The following TBC1D31 variants were observed in gnomAD, a reference collection of about 807,000 sequenced individuals.
TBC1D31 encodes the protein WD repeat domain 67.
A neutral mutation model predicts 132.9 loss-of-function variants in TBC1D31; 99 were observed. That is an observed-to-expected ratio of 0.74 (90% CI 0.63 to 0.88). The LOEUF (loss-of-function observed/expected upper bound fraction) is 0.88. TBC1D31 is among the 40% of genes least tolerant of loss of function. TBC1D31 has a pLI of 0.00. For missense variants in TBC1D31, 1,134 were observed against 1,256.6 expected (o/e 0.90, Z 1.48); for synonymous variants, 385 against 419.4 (o/e 0.92, Z 1.00).
chr8:123,098,649 A>C (rs548043078), intron 6 of TBC1D31, among the ~76,000 whole-genome samples: 1 of 152,326 alleles, frequency 6.6e-6, no homozygotes, highest in African/African-American at 2.4e-5. Context: ...TCTTTTTCAC[A>C]ACTGCATAGT....
In TBC1D31 at chr8:123,142,433, A is replaced by G. The variant is rs748300338; in HGVS notation, c.2812A>G (p.Met938Val). 4.4e-6 allele frequency: 7 copies of G among 1,590,838 alleles called. No homozygotes were observed. The highest frequency in any genetic ancestry group is 1.2e-5 in the South Asian group (1 of 86,242). Residue 938 changes from methionine (M) to valine (V), a missense_variant, in exon 19 of 22, where the codon ATG (methionine) becomes GTG (valine). Coordinates refer to ENST00000287380, the MANE Select transcript of TBC1D31 (RefSeq NM_145647.4). Reference protein sequence around the residue: ...RRKEIEIINAMVEEEAKKWKE... With the variant: ...RRKEIEIINAVVEEEAKKWKE... Reference sequence around the variant, plus strand: ...GAAAGAAATAGAGATAATAAATGCAATGGTGGAGGAGGAAGCCAAGAAGGT... The same window carrying G: ...GAAAGAAATAGAGATAATAAATGCAGTGGTGGAGGAGGAAGCCAAGAAGGT...
chr8:123,092,574 C>T (rs529052056), intron 4 of TBC1D31, among the ~76,000 whole-genome samples: 74 of 152,152 alleles, frequency 4.9e-4, no homozygotes, highest in Non-Finnish European at 6.5e-4. Flanking sequence ...TACACTGCCA[C>T]GGGGAGTAAT....
At chr8:123,116,815 A>G (rs932593941) in intron 10 of TBC1D31, among the ~76,000 whole-genome samples, 2 of 152,210 alleles carry the variant, frequency 1.3e-5, no homozygotes, top group African/African-American at 4.8e-5. Context: ...ATAAATAACA[A>G]TCAATTATAA....
intron 17 of TBC1D31, 27 bp from the exon 18 acceptor site, chr8:123,140,734 A>ATT: frequency 1.3e-6 from 2 of 1,551,812 alleles, no homozygotes; most frequent in African/African-American, 2.8e-5. Context: ...TAAATTAGTG[A>ATT]TTTTTTTTTA....
chr8:123,122,434 A>C (rs960243275), intron 11 of TBC1D31, among the ~76,000 whole-genome samples: 2 of 152,238 alleles, frequency 1.3e-5, no homozygotes, highest in Non-Finnish European at 2.9e-5. Flanking sequence ...AATACACTAG[A>C]TACAAAAGGA....
intron 6 of TBC1D31, 66 bp from the exon 7 acceptor site, chr8:123,100,741 A>G (rs953206423): frequency 2.2e-5 from 27 of 1,238,096 alleles, no homozygotes; most frequent in Non-Finnish European, 2.8e-5. Context: ...AAAGACGTGT[A>G]TATAGTAGGA....
intron 16 of TBC1D31, 132 bp downstream of exon 16, chr8:123,130,465 A>G (rs1820508220): frequency 1.3e-6 from 1 of 782,166 alleles, no homozygotes; most frequent in Non-Finnish European, 1.8e-6. Context: ...AATTTTATTT[A>G]CTTTTCCCCT....
chr8:123,080,105 G>A (rs964037301), intron 2 of TBC1D31, among the ~76,000 whole-genome samples: 3 of 152,146 alleles, frequency 2.0e-5, no homozygotes, highest in East Asian at 1.9e-4. Context: ...TCTATCATGC[G>A]TGTAACACAT....
intron 7 of TBC1D31, chr8:123,102,181 T>C: frequency 2.2e-6 from 1 of 454,788 alleles, no homozygotes; most frequent in Admixed American, 2.4e-5. Flanking sequence ...CAGTCTGAAA[T>C]TGCACCTTGG....
chr8:123,130,051 G>T lies in TBC1D31; in HGVS notation c.2271-147G>T, dbSNP rs541087108. 1.5e-4 allele frequency: 111 copies of T among 743,282 alleles called. 1 individual carries two copies. The highest frequency in any genetic ancestry group is 9.3e-4 in the South Asian group (31 of 33,196). 46.0% of individuals were successfully genotyped at this position (743,282 alleles called of 1,614,324 possible). ...AAAGCATAAGTATACATCATCTTTG[G>T]TAACGGTGGAGCAGTTCTCGCATTC... On this transcript the variant is annotated intron_variant, in intron 15 of 21. Transcript: ENST00000287380.
intron 10 of TBC1D31, among the ~76,000 whole-genome samples, chr8:123,110,886 A>G (rs1038654881): frequency 1.3e-5 from 2 of 152,162 alleles, no homozygotes; most frequent in Non-Finnish European, 2.9e-5. Context: ...TTTGGTTGAT[A>G]CCCCACTGAG....
chr8:123,158,531 G>T, the TBC1D31 span, among the ~76,000 whole-genome samples: 1 of 152,194 alleles, frequency 6.6e-6, no homozygotes, highest in South Asian at 2.1e-4. Context: ...GGAGAGGTTC[G>T]TGTGGACCTA....
At chr8:123,159,818 G>C in the TBC1D31 span, among the ~76,000 whole-genome samples, 1 of 151,430 alleles carries the variant, frequency 6.6e-6, no homozygotes, top group African/African-American at 2.4e-5. Flanking sequence ...TAAGATCAAT[G>C]ATTAATACGC....
chr8:123,116,500 C>T (rs768797468), intron 10 of TBC1D31, among the ~76,000 whole-genome samples: 2 of 152,024 alleles, frequency 1.3e-5, no homozygotes, highest in African/African-American at 2.4e-5. Context: ...TGATTGGAAT[C>T]GATAGTGTTA....
intron 10 of TBC1D31, among the ~76,000 whole-genome samples, chr8:123,117,247 A>G (rs34106364): frequency 0.57 from 85,783 of 151,416 alleles, 24,521 homozygotes; most frequent in Admixed American, 0.62. Flanking sequence ...CCTGGGAGGT[A>G]GAGGCTGCAA....
chr8:123,098,209 A>G (rs1411583115), intron 6 of TBC1D31, among the ~76,000 whole-genome samples: 2 of 152,178 alleles, frequency 1.3e-5, no homozygotes, highest in Non-Finnish European at 2.9e-5. Context: ...CCATTTGTCT[A>G]GTTGTTCACC....
intron 13 of TBC1D31, among the ~76,000 whole-genome samples, chr8:123,127,679 C>T (rs1195675451): frequency 1.3e-5 from 2 of 152,094 alleles, no homozygotes; most frequent in East Asian, 3.9e-4. Flanking sequence ...ATTACACATG[C>T]AAAAGGTAAC....
At chr8:123,156,059 A>G (rs1822978801), downstream of TBC1D31, among the ~76,000 whole-genome samples, 2 of 152,176 alleles carry the variant, frequency 1.3e-5, no homozygotes, top group Non-Finnish European at 2.9e-5. Context: ...ATTGAGTAAG[A>G]GCTATTATCC....
At chr8:123,150,214 G>A in intron 21 of TBC1D31, 86 bp downstream of exon 21, 3 of 959,402 alleles carry the variant, frequency 3.1e-6, no homozygotes, top group Middle Eastern at 2.1e-4. Flanking sequence ...TATATTTATA[G>A]CATGTGGACG....
Sources: allele counts gnomAD v4.1 joint callset (sites outside exome capture counted in the v4.1 genomes callset), GRCh38; gene constraint gnomAD v4.1.1; transcripts MANE v1.5; gene names NCBI Gene and HGNC (gene_info 2026-07-23, HGNC 2026-07-21).